Variants in METTL21C observed in about 807,000 individuals in gnomAD.
METTL21C encodes methyltransferase 21C, AARS1 lysine, also known as protein-lysine methyltransferase METTL21C.
METTL21C carries 21 observed loss-of-function variants against 25.9 expected under a neutral mutation model. That is an observed-to-expected ratio of 0.81 (90% CI 0.58 to 1.17). The LOEUF (loss-of-function observed/expected upper bound fraction) is 1.17, where lower values mean the gene tolerates loss of function less well. Ranked by LOEUF, METTL21C falls within the 50% of genes most tolerant of loss-of-function variation. METTL21C has a pLI of 0.00. For missense variants in METTL21C, 312 were observed against 315.1 expected (o/e 0.99, Z 0.07); for synonymous variants, 125 against 124.7 (o/e 1.00, Z -0.01).
At chr13:102,697,467 G>A (rs1480930912), upstream of METTL21C, among the ~76,000 whole-genome samples, 3 of 152,130 alleles carry the variant, frequency 2.0e-5, no homozygotes, top group African/African-American at 4.8e-5. Context: ...CAGTGCAAAG[G>A]TCAAGCCACC....
chr13:102,689,228 C>T (rs1291442391), intron 2 of METTL21C, among the ~76,000 whole-genome samples: 1 of 152,176 alleles, frequency 6.6e-6, no homozygotes, highest in African/African-American at 2.4e-5. Flanking sequence ...CATGCCCGGC[C>T]TCTGATCTCT....
chr13:102,691,070 T>C, intron 1 of METTL21C, 106 bp from the exon 2 acceptor site: 1 of 1,267,976 alleles, frequency 7.9e-7, no homozygotes, highest in Non-Finnish European at 1.1e-6. Context: ...GACCTTTACA[T>C]AAAGAGAAGG....
the METTL21C span, among the ~76,000 whole-genome samples, chr13:102,703,344 C>T: frequency 1.3e-5 from 2 of 152,306 alleles, no homozygotes; most frequent in South Asian, 4.1e-4. Context: ...GGCCTGCAGG[C>T]CAGAAAACAT....
At position 102,688,797 on chromosome 13, in the gene METTL21C, G is replaced by C. The variant is rs528679980; in HGVS notation, c.283-1740C>G. 4.9e-3 allele frequency among the ~76,000 whole-genome samples: 740 copies of C among 152,308 alleles called. 7 individuals are homozygous for C. Among genetic ancestry groups the C allele is most frequent in the Non-Finnish European group, 6.3e-3 (427 of 68,028 alleles). Reference sequence around the variant, plus strand: ...CTGGTGCCCTGCCCTGTGAGGGGCTGGCCGCAGGGTGTCATGCGGAGACAA... The same window carrying C: ...CTGGTGCCCTGCCCTGTGAGGGGCTCGCCGCAGGGTGTCATGCGGAGACAA... On this transcript the variant is annotated intron_variant, in intron 2 of 3. Coordinates refer to ENST00000267273, the MANE Select transcript of METTL21C (RefSeq NM_001010977.3).
chr13:102,687,338 C>G (rs995315643), intron 2 of METTL21C, among the ~76,000 whole-genome samples: 1 of 152,200 alleles, frequency 6.6e-6, no homozygotes, highest in African/African-American at 2.4e-5. Context: ...TCTTTCAAAT[C>G]AGGGCAATGT....
At chr13:102,700,726 A>G in the METTL21C span, among the ~76,000 whole-genome samples, 14 of 152,296 alleles carry the variant, frequency 9.2e-5, no homozygotes, top group African/African-American at 3.1e-4. Flanking sequence ...AAATAAATGT[A>G]TCAGTGTGGA....
At chr13:102,691,037 G>C in intron 1 of METTL21C, 73 bp from the exon 2 acceptor site, 1 of 1,509,314 alleles carries the variant, frequency 6.6e-7, no homozygotes, top group Non-Finnish European at 9.1e-7. Context: ...TGGTATAATT[G>C]CTAAGATGGC....
the METTL21C span, among the ~76,000 whole-genome samples, chr13:102,703,812 A>C: frequency 0.09 from 13,661 of 152,298 alleles, 781 homozygotes; most frequent in Middle Eastern, 0.15. Flanking sequence ...CAGGCAACTG[A>C]AACCTGTGTT....
At chr13:102,686,800 C>T (rs892116786) in intron 3 of METTL21C, 140 bp downstream of exon 3, 2 of 665,248 alleles carry the variant, frequency 3.0e-6, no homozygotes, top group Admixed American at 5.2e-5. Flanking sequence ...AGCAGTAATT[C>T]CTGCCGCATG....
upstream of METTL21C, among the ~76,000 whole-genome samples, chr13:102,699,007 A>G (rs1885991234): frequency 1.3e-5 from 2 of 152,136 alleles, no homozygotes; most frequent in Non-Finnish European, 2.9e-5. Context: ...ATGTCTAGGG[A>G]AAAAGATTCC....
At chr13:102,692,291 C>T (rs1034523811) in intron 1 of METTL21C, among the ~76,000 whole-genome samples, 6 of 151,840 alleles carry the variant, frequency 4.0e-5, no homozygotes, top group Non-Finnish European at 7.4e-5. Flanking sequence ...TCCCTCAGGT[C>T]GGGGGCAGGG....
At chr13:102,693,916 AT>A (rs746231347) in intron 1 of METTL21C, among the ~76,000 whole-genome samples, 1 of 152,232 alleles carries the variant, frequency 6.6e-6, no homozygotes, top group Non-Finnish European at 1.5e-5. Context: ...TATGTCTATT[AT>A]TTATTTACAA....
At chr13:102,690,190 G>A (rs905363388) in intron 2 of METTL21C, among the ~76,000 whole-genome samples, 4 of 152,140 alleles carry the variant, frequency 2.6e-5, no homozygotes, top group East Asian at 3.9e-4. Context: ...GGAGGCCGAG[G>A]TGGGCAGATC....
upstream of METTL21C, among the ~76,000 whole-genome samples, chr13:102,698,641 T>C (rs1309940625): frequency 1.3e-5 from 2 of 152,038 alleles, no homozygotes; most frequent in Non-Finnish European, 1.5e-5. Flanking sequence ...GACCAATCAA[T>C]GACCCCAATT....
At chr13:102,690,505 C>T (rs1595244261) in intron 2 of METTL21C, among the ~76,000 whole-genome samples, 1 of 152,044 alleles carries the variant, frequency 6.6e-6, no homozygotes, top group Middle Eastern at 3.5e-3. Context: ...AATCTAAACT[C>T]TAAATCCCTG....
At chr13:102,702,134 A>G in the METTL21C span, among the ~76,000 whole-genome samples, 1 of 151,540 alleles carries the variant, frequency 6.6e-6, no homozygotes, top group Admixed American at 6.6e-5. Context: ...CTTGCATTCC[A>G]GTCTAGGTGA....
chr13:102,687,034 C>T lies in METTL21C; in HGVS notation c.306G>A (p.Leu102=). Residue 102 remains leucine, a synonymous_variant, in exon 3 of 4, where the codon TTG becomes TTA. Coordinates refer to ENST00000267273, the MANE Select transcript of METTL21C (RefSeq NM_001010977.3). ...WPGAMALCQY[L]EEHAEELNFQ... ...AATTCAATTCCTCGGCATGTTCCTC[C>T]AAGTATTGACACAAAGCCATAGCCT... The T allele has an allele frequency of 6.2e-7, 1 of 1,613,790 alleles. No individual in the cohort carries two copies. Among genetic ancestry groups the T allele is most frequent in the Non-Finnish European group, 8.5e-7 (1 of 1,179,702 alleles).
chr13:102,691,726 A>G (rs7984675), intron 1 of METTL21C, among the ~76,000 whole-genome samples: 35,325 of 152,154 alleles, frequency 0.23, 4,317 homozygotes, highest in African/African-American at 0.29. Context: ...AATCTTTCCT[A>G]CAATTGCTGT....
Position 102,686,379 on chromosome 13 carries a change from A to C in METTL21C, c.447T>G (p.Leu149=). Reference sequence around the variant, plus strand: ...GTGTGTTTTTTAAAAGATTGTATTGAAGGTTTCCCAGGACATCAGGCAAAT... The same window carrying C: ...GTGTGTTTTTTAAAAGATTGTATTGCAGGTTTCCCAGGACATCAGGCAAAT... ...ATDLPDVLGN[L]QYNLLKNTLQ... is the part of the protein sequence containing the mutation. Residue 149 remains leucine (L), a synonymous_variant, in exon 4 of 4, where the codon CTT becomes CTG. Coordinates refer to ENST00000267273, the MANE Select transcript of METTL21C (RefSeq NM_001010977.3). 1 of 1,613,936 alleles carries C rather than the reference A, an allele frequency of 6.2e-7. No homozygotes were observed. Among genetic ancestry groups the C allele is most frequent in the Non-Finnish European group, 8.5e-7 (1 of 1,179,904 alleles).
Sources: allele counts gnomAD v4.1 joint callset (sites outside exome capture counted in the v4.1 genomes callset), GRCh38; gene constraint gnomAD v4.1.1; transcripts MANE v1.5; gene names NCBI Gene and HGNC (gene_info 2026-07-23, HGNC 2026-07-21).